Variants in PCDH9 observed in about 807,000 individuals in gnomAD.
PCDH9 encodes protocadherin-9.
In PCDH9, 24 loss-of-function variants were observed where a neutral mutation model predicts 70.6. The observed-to-expected ratio is 0.34, with a 90% CI of 0.25 to 0.48. The LOEUF (loss-of-function observed/expected upper bound fraction) is 0.48, where lower values mean the gene tolerates loss of function less well. Ranked by LOEUF, PCDH9 falls within the 20% of genes least tolerant of loss-of-function variation. The pLI, the probability that PCDH9 is intolerant of heterozygous loss-of-function variation, is 0.99. For missense variants in PCDH9, 1,281 were observed against 1,503.6 expected, an observed-to-expected ratio of 0.85 and a Z score of 2.45; for synonymous variants, 562 against 558.5, an observed-to-expected ratio of 1.01 and a Z score of -0.09.
chr13:67,134,632 C>T (rs937879953), intron 2 of PCDH9, among the ~76,000 whole-genome samples: 14 of 152,004 alleles, frequency 9.2e-5, no homozygotes, highest in South Asian at 2.1e-4. Flanking sequence ...AAAGCACTTT[C>T]GTTTTCAGGA....
intron 2 of PCDH9, among the ~76,000 whole-genome samples, chr13:66,919,890 C>G (rs868759457): frequency 6.6e-6 from 1 of 150,884 alleles, no homozygotes; most frequent in Non-Finnish European, 1.5e-5. Flanking sequence ...ATATATTATT[C>G]GTATTTCTTA....
intron 2 of PCDH9, among the ~76,000 whole-genome samples, chr13:67,094,606 T>C (rs904665490): frequency 2.0e-4 from 31 of 151,764 alleles, no homozygotes; most frequent in African/African-American, 7.3e-4. Context: ...TATAAATCCA[T>C]GCCCAGCACT....
chr13:66,548,972 G>A (rs1961344196), intron 4 of PCDH9, among the ~76,000 whole-genome samples: 1 of 151,978 alleles, frequency 6.6e-6, no homozygotes. Context: ...AGTTTTTAAA[G>A]TTTCTTTTAT....
intron 3 of PCDH9, among the ~76,000 whole-genome samples, chr13:66,730,897 T>TTGTTTTG (rs1555262883): frequency 3.1e-5 from 4 of 129,100 alleles, no homozygotes; most frequent in African/African-American, 5.8e-5. Context: ...GTTTGTTTCT[T>TTGTTTTG]TTTTTTTGTG....
chr13:66,463,771 T>C (rs1282706679), intron 4 of PCDH9, among the ~76,000 whole-genome samples: 3 of 151,710 alleles, frequency 2.0e-5, no homozygotes, highest in Non-Finnish European at 2.9e-5. Context: ...CACAGAAATA[T>C]CATATATACA....
At chr13:66,396,269 T>C (rs1957100034) in intron 4 of PCDH9, among the ~76,000 whole-genome samples, 1 of 152,190 alleles carries the variant, frequency 6.6e-6, no homozygotes, top group Non-Finnish European at 1.5e-5. Context: ...CTTATTGTTA[T>C]AGAACTCTTT....
chr13:66,614,139 C>T (rs1270949034), intron 4 of PCDH9, among the ~76,000 whole-genome samples: 1 of 152,058 alleles, frequency 6.6e-6, no homozygotes, highest in Non-Finnish European at 1.5e-5. Context: ...AACAGATTTA[C>T]ATGTAAGGGA....
intron 4 of PCDH9, among the ~76,000 whole-genome samples, chr13:66,487,637 A>T (rs1305603079): frequency 6.6e-6 from 1 of 152,126 alleles, no homozygotes; most frequent in Non-Finnish European, 1.5e-5. Context: ...AACGTTGTAA[A>T]ATGACTTGTA....
intron 2 of PCDH9, among the ~76,000 whole-genome samples, chr13:66,969,479 T>C (rs967263218): frequency 1.3e-5 from 2 of 152,078 alleles, no homozygotes; most frequent in African/African-American, 4.8e-5. Flanking sequence ...AGCATAATCC[T>C]GTCAGGTGAA....
Position 66,304,633 on chromosome 13 carries a change from T to C in PCDH9, c.*22A>G. The C allele has an allele frequency of 3.1e-6, 5 of 1,596,526 alleles. No homozygotes were observed. The highest frequency in any genetic ancestry group is 4.3e-6 in the Non-Finnish European group (5 of 1,165,830). On this transcript the variant is annotated 3_prime_UTR_variant, in exon 5 of 5. Coordinates refer to ENST00000377865, the MANE Select transcript of PCDH9 (RefSeq NM_203487.3). The stretch of plus-strand genomic sequence containing the variant: ...GTATTAGCATGTCTATTTAAAGTTA[T>C]TAGGTCCCATATAGCCTTTTCTTAG...
chr13:66,650,278 G>T (rs2077832195), intron 3 of PCDH9, among the ~76,000 whole-genome samples: 1 of 151,680 alleles, frequency 6.6e-6, no homozygotes, highest in African/African-American at 2.4e-5. Context: ...GAAAATAAAG[G>T]GATAGGAAAA....
At chr13:67,074,296 T>C (rs1482352064) in intron 2 of PCDH9, among the ~76,000 whole-genome samples, 3 of 152,024 alleles carry the variant, frequency 2.0e-5, no homozygotes, top group Admixed American at 2.0e-4. Context: ...GAGGGAGCAC[T>C]CCCTCGCCCC....
At chr13:66,856,047 T>C (rs2081390006) in intron 3 of PCDH9, among the ~76,000 whole-genome samples, 1 of 151,956 alleles carries the variant, frequency 6.6e-6, no homozygotes, top group South Asian at 2.1e-4. Context: ...ACACTATAGG[T>C]ATAGGTTTTT....
At chr13:66,903,421 C>A in intron 3 of PCDH9, 83 bp downstream of exon 3, 1 of 514,216 alleles carries the variant, frequency 1.9e-6, no homozygotes, top group Non-Finnish European at 3.6e-6. Flanking sequence ...GACAATAATA[C>A]TAATTAAGAT....
intron 3 of PCDH9, among the ~76,000 whole-genome samples, chr13:66,737,526 C>T (rs1401140193): frequency 2.6e-5 from 4 of 152,198 alleles, no homozygotes; most frequent in African/African-American, 7.2e-5. Flanking sequence ...CTCCGGTCTA[C>T]AGCTCCCAGC....
intron 2 of PCDH9, among the ~76,000 whole-genome samples, chr13:67,144,961 T>A (rs954935700): frequency 6.6e-6 from 1 of 152,124 alleles, no homozygotes; most frequent in Non-Finnish European, 1.5e-5. Flanking sequence ...ATTTCCTGTA[T>A]ACATTAAACC....
intron 2 of PCDH9, among the ~76,000 whole-genome samples, chr13:67,182,142 A>G (rs2088633524): frequency 6.6e-6 from 1 of 152,176 alleles, no homozygotes; most frequent in Non-Finnish European, 1.5e-5. Context: ...ATATCCTGCT[A>G]TATCCTCCTT....
At chr13:66,890,507 A>G (rs1046997083) in intron 3 of PCDH9, among the ~76,000 whole-genome samples, 20 of 147,658 alleles carry the variant, frequency 1.4e-4, no homozygotes, top group Non-Finnish European at 2.7e-4. Flanking sequence ...TGCAATTGTA[A>G]ATTCTTTCTC....
At chr13:67,067,626 A>C (rs2085675502) in intron 2 of PCDH9, among the ~76,000 whole-genome samples, 1 of 152,040 alleles carries the variant, frequency 6.6e-6, no homozygotes, top group African/African-American at 2.4e-5. Flanking sequence ...AGTTTTTAAA[A>C]AATCACCAAA....
Sources: allele counts gnomAD v4.1 joint callset (sites outside exome capture counted in the v4.1 genomes callset), GRCh38; gene constraint gnomAD v4.1.1; transcripts MANE v1.5; gene names NCBI Gene and HGNC (gene_info 2026-07-23, HGNC 2026-07-21).